HEATR5A: variants seen among roughly 807,000 people sequenced by gnomAD.
The protein encoded by HEATR5A is HEAT repeat containing 5A.
HEATR5A carries 178 observed loss-of-function variants against 218.8 expected under a neutral mutation model. That is an observed-to-expected ratio of 0.81 (90% confidence interval 0.72 to 0.92). The LOEUF is 0.92. Ranked by LOEUF, HEATR5A falls within the 40% of genes least tolerant of loss-of-function variation. HEATR5A has a pLI of 0.00. For missense variants in HEATR5A, 2,420 were observed against 2,418.9 expected, an observed-to-expected ratio of 1.00 and a Z score of -0.01; for synonymous variants, 864 against 871.6, an observed-to-expected ratio of 0.99 and a Z score of 0.15.
chr14:31,327,690 GA>G (rs1304015420), intron 22 of HEATR5A, among the ~76,000 whole-genome samples: 1 of 152,144 alleles, frequency 6.6e-6, no homozygotes, highest in South Asian at 2.1e-4. Context: ...AGCTCAAACA[GA>G]AAACAAACAC....
intron 16 of HEATR5A, among the ~76,000 whole-genome samples, chr14:31,354,227 A>G (rs1216154508): frequency 6.6e-6 from 1 of 152,160 alleles, no homozygotes; most frequent in Non-Finnish European, 1.5e-5. Context: ...TTAAAAACCT[A>G]TAACGTCATT....
In HEATR5A at chr14:31,358,995, C is replaced by A. The variant is rs781181548; in HGVS notation, c.2134G>T (p.Ala712Ser). 1 of 1,588,764 alleles carries A rather than the reference C, an allele frequency of 6.3e-7. No individual in the cohort carries two copies. Among genetic ancestry groups the A allele is most frequent in the Non-Finnish European group, 8.5e-7 (1 of 1,174,184 alleles). Residue 712 changes from alanine to serine, a missense_variant, in exon 15 of 36, where the codon GCA becomes TCA. Ala to Ser is a moderately conservative substitution (Grantham distance 99, BLOSUM62 1). Coordinates refer to ENST00000543095, the MANE Select transcript of HEATR5A (RefSeq NM_015473.4). Reference protein sequence around the residue: ...ADLTAPDIQVAASTFLLPPLC... With the variant: ...ADLTAPDIQVSASTFLLPPLC... ...GGTGGAAGTAAAAATGTAGATGCTG[C>A]CACCTGAATATCAGGGGCAGTCAAG... is the stretch of plus-strand genomic sequence containing the variant.
rs770759520 is a variant in HEATR5A at position 31,302,456 on chromosome 14, A to G, written c.5303T>C (p.Val1768Ala). 3 of 1,597,802 alleles carry G rather than the reference A, an allele frequency of 1.9e-6. No individual in the cohort carries two copies. The African/African-American group carries it at 4.0e-5, about 21-fold the overall frequency. The change falls in exon 33 of 36, where the codon GTG becomes GCG. Residue 1768 changes from valine (V) to alanine (A), a missense_variant. Transcript: ENST00000543095. Reference protein sequence around the residue: ...LTIGVLRETAVKLPGGQLSST... With the variant: ...LTIGVLRETAAKLPGGQLSST... The stretch of plus-strand genomic sequence containing the variant: ...AGATAACTGGCCCCCAGGTAACTTC[A>G]CAGCAGTCTCTCTGAGGACCCCGAT...
chr14:31,368,665 G>T (rs1332296834), intron 13 of HEATR5A, among the ~76,000 whole-genome samples: 2 of 151,802 alleles, frequency 1.3e-5, no homozygotes, highest in East Asian at 3.9e-4. Context: ...GTGTAGCTAG[G>T]ACTACTAGTG....
rs1262602557 is a variant in HEATR5A, at chr14:31,306,619, GT to G, written c.4966+112del. ...GTAAAATAAGGCCATGCCTAGACAT[GT>G]TTTATTTGTACCACACACAAAAGAT... On this transcript the variant is annotated intron_variant, in intron 31 of 35. Transcript: ENST00000543095. 9 of 1,128,804 alleles carry G rather than the reference GT, an allele frequency of 8.0e-6. No individual in the cohort carries two copies. The African/African-American group carries it at 1.1e-4, about 14-fold the overall frequency. The allele number at this position is 1,128,804 out of a possible 1,614,324, so 69.9% of individuals were successfully genotyped here.
chr14:31,381,589 C>G (rs2029987625), intron 10 of HEATR5A, among the ~76,000 whole-genome samples: 1 of 148,962 alleles, frequency 6.7e-6, no homozygotes, highest in Admixed American at 6.7e-5. Flanking sequence ...AAAGGACCAG[C>G]CTGGGCAACA....
chr14:31,337,755 T>C, intron 21 of HEATR5A, 141 bp from the exon 22 acceptor site: 1 of 596,868 alleles, frequency 1.7e-6, no homozygotes, highest in South Asian at 2.9e-5. Flanking sequence ...CATAGGAACT[T>C]CTTGAAACCA....
intron 13 of HEATR5A, among the ~76,000 whole-genome samples, chr14:31,367,294 C>T (rs564224497): frequency 9.7e-4 from 147 of 152,068 alleles, no homozygotes; most frequent in Middle Eastern, 3.4e-3. Flanking sequence ...TTGTAAAATA[C>T]CTCAATAATA....
chr14:31,382,569 T>C (rs975419591), intron 10 of HEATR5A, among the ~76,000 whole-genome samples: 1 of 152,114 alleles, frequency 6.6e-6, no homozygotes, highest in Non-Finnish European at 1.5e-5. Context: ...AACACCTTGC[T>C]TGCCTATGTT....
intron 16 of HEATR5A, among the ~76,000 whole-genome samples, chr14:31,355,228 A>T (rs540477049): frequency 6.6e-6 from 1 of 152,226 alleles, no homozygotes; most frequent in East Asian, 1.9e-4. Flanking sequence ...AGCCTGGCCA[A>T]CATGGCGAAA....
At chr14:31,383,421 T>C in intron 10 of HEATR5A, 100 bp downstream of exon 10, 1 of 1,161,814 alleles carries the variant, frequency 8.6e-7, no homozygotes, top group Admixed American at 2.4e-5. Flanking sequence ...GGGCTAGATG[T>C]ACAGCAAAAT....
At chr14:31,353,735 C>CAA (rs60007823) in intron 16 of HEATR5A, among the ~76,000 whole-genome samples, 27 of 150,838 alleles carry the variant, frequency 1.8e-4, no homozygotes, top group South Asian at 1.0e-3. Flanking sequence ...GACGCTGCCT[C>CAA]AAAAAAAAAT....
intron 16 of HEATR5A, among the ~76,000 whole-genome samples, chr14:31,357,750 G>A (rs114364239): frequency 4.3e-4 from 66 of 152,260 alleles, no homozygotes; most frequent in African/African-American, 1.5e-3. Flanking sequence ...CATAGTATGA[G>A]GTATACAACA....
intron 13 of HEATR5A, among the ~76,000 whole-genome samples, chr14:31,369,858 C>G (rs563147079): frequency 1.3e-5 from 2 of 151,372 alleles, no homozygotes; most frequent in Admixed American, 6.6e-5. Flanking sequence ...AACGGGGACC[C>G]GGGAGACGGA....
At chr14:31,308,052 C>T (rs1414290786) in intron 29 of HEATR5A, 32 bp from the exon 30 acceptor site, 1 of 1,561,886 alleles carries the variant, frequency 6.4e-7, no homozygotes, top group African/African-American at 1.4e-5. Context: ...GAGGAGGCTT[C>T]TTTCAAATTA....
At chr14:31,314,899 G>A (rs1478731083) in intron 27 of HEATR5A, among the ~76,000 whole-genome samples, 4 of 152,156 alleles carry the variant, frequency 2.6e-5, no homozygotes, top group African/African-American at 9.7e-5. Flanking sequence ...TGGGCCAGGC[G>A]TGGTGGCTCA....
chr14:31,388,757 C>T (rs1271399329), intron 7 of HEATR5A, 88 bp downstream of exon 7: 50 of 1,012,356 alleles, frequency 4.9e-5, no homozygotes, highest in Non-Finnish European at 7.4e-5. Flanking sequence ...GTTGACCTTG[C>T]ATAGTACCAC....
chr14:31,334,900 C>T (rs148711428), intron 22 of HEATR5A, among the ~76,000 whole-genome samples: 9 of 138,096 alleles, frequency 6.5e-5, no homozygotes, highest in South Asian at 4.6e-4. Flanking sequence ...GAGCCAAGAT[C>T]GTGCCACTGC....
chr14:31,409,464 C>T (rs1050597061), intron 1 of HEATR5A, among the ~76,000 whole-genome samples: 2 of 152,086 alleles, frequency 1.3e-5, no homozygotes, highest in African/African-American at 4.8e-5. Context: ...CTTTGGGAAG[C>T]CAAGGCTGGC....
Sources: gnomAD v4.1 joint callset for allele counts (sites outside exome capture counted in the v4.1 genomes callset) on GRCh38, gnomAD v4.1.1 for gene constraint, MANE v1.5 for transcripts, NCBI Gene and HGNC (gene_info 2026-07-23, HGNC 2026-07-21) for gene names.